The following BNC2 variants were observed in gnomAD, a reference collection of about 807,000 sequenced individuals.
BNC2 encodes the protein zinc finger protein basonuclin-2.
A neutral mutation model predicts 76.3 loss-of-function variants in BNC2; 20 were observed. The observed-to-expected ratio is 0.26, with a 90% confidence interval of 0.18 to 0.38. The LOEUF is 0.38. BNC2 is among the 10% of genes least tolerant of loss of function. The pLI is 1.00. For missense variants in BNC2, 1,382 were observed against 1,399.8 expected (o/e 0.99, Z 0.20); for synonymous variants, 582 against 514.8 (o/e 1.13, Z -1.77).
intron 3 of BNC2, among the ~76,000 whole-genome samples, chr9:16,669,789 C>T (rs1444082163): frequency 6.6e-6 from 1 of 152,088 alleles, no homozygotes. Context: ...AAATCAGATA[C>T]CACGGAAAAA....
intron 3 of BNC2, among the ~76,000 whole-genome samples, chr9:16,696,766 A>AT (rs1260538478): frequency 1.2e-4 from 18 of 152,358 alleles, no homozygotes; most frequent in African/African-American, 4.3e-4. Flanking sequence ...TCATTATTCC[A>AT]GCAGATCCTC....
In BNC2 at chr9:16,540,457, T is replaced by C. The variant is rs547817291; in HGVS notation, c.669+12073A>G. 7.2e-5 allele frequency among the ~76,000 whole-genome samples: 11 copies of C among 152,264 alleles called. No individual in the cohort carries two copies. The South Asian group carries it at 2.1e-3, about 29-fold the overall frequency. ...TACGTCAATACGCATATTACAATGGTTGGGCACATGAGTATAGGGTCTCTA... is the reference window on the plus strand; with the variant it reads ...TACGTCAATACGCATATTACAATGGCTGGGCACATGAGTATAGGGTCTCTA... On this transcript the variant is annotated intron_variant, in intron 5 of 6. Transcript: ENST00000380672.
chr9:16,574,307 C>T (rs1819422441), intron 4 of BNC2, among the ~76,000 whole-genome samples: 1 of 152,130 alleles, frequency 6.6e-6, no homozygotes, highest in South Asian at 2.1e-4. Context: ...CGAAGCACTT[C>T]ACATGCAAAA....
At chr9:16,484,347 C>G (rs1321377909) in intron 5 of BNC2, among the ~76,000 whole-genome samples, 1 of 152,144 alleles carries the variant, frequency 6.6e-6, no homozygotes, top group Non-Finnish European at 1.5e-5. Context: ...AAGATGCCAC[C>G]CCAGCCTTAC....
intron 4 of BNC2, among the ~76,000 whole-genome samples, chr9:16,577,336 GA>G (rs1002218251): frequency 8.1e-5 from 11 of 135,576 alleles, no homozygotes; most frequent in East Asian, 4.2e-4. Flanking sequence ...ACCATGCTGA[GA>G]AAAAAAAAAG....
At chr9:16,530,598 G>C (rs1817946008) in intron 5 of BNC2, among the ~76,000 whole-genome samples, 1 of 152,204 alleles carries the variant, frequency 6.6e-6, no homozygotes, top group African/African-American at 2.4e-5. Context: ...ACTTCATAGA[G>C]GGAGAATGTA....
At chr9:16,686,772 T>C (rs1233843077) in intron 3 of BNC2, among the ~76,000 whole-genome samples, 1 of 152,182 alleles carries the variant, frequency 6.6e-6, no homozygotes, top group South Asian at 2.1e-4. Flanking sequence ...TACTCCACTT[T>C]GCAAGTTCAC....
intron 5 of BNC2, among the ~76,000 whole-genome samples, chr9:16,448,922 C>T (rs1178217676): frequency 1.3e-5 from 2 of 152,162 alleles, no homozygotes; most frequent in African/African-American, 2.4e-5. Context: ...TATAAATCCA[C>T]ATATGCATTA....
At chr9:16,429,449 A>G (rs1474224214) in intron 6 of BNC2, 1 of 153,652 alleles carries the variant, frequency 6.5e-6, no homozygotes, top group East Asian at 1.9e-4. Context: ...ATTCACACCA[A>G]TAAAGTCTGT....
At chr9:16,757,174 G>A (rs928590138) in intron 1 of BNC2, among the ~76,000 whole-genome samples, 6 of 152,090 alleles carry the variant, frequency 3.9e-5, no homozygotes, top group Non-Finnish European at 7.4e-5. Context: ...AAATACTTCT[G>A]ATTGAATGTT....
chr9:16,587,394 C>T lies in BNC2; in HGVS notation c.331-4309G>A, dbSNP rs940814593. 1.4e-3 allele frequency among the ~76,000 whole-genome samples: 215 copies of T among 152,098 alleles called. 3 individuals carry two copies. Among genetic ancestry groups the T allele is most frequent in the Admixed American group, 5.2e-4 (8 of 15,254 alleles). ...ACGTTGAGCTAAGAATCCTGAGCTA[C>T]GATTCCATTCACAGCAAGTTATAGG... On this transcript the variant is annotated intron_variant, in intron 3 of 6. Transcript: ENST00000380672.
chr9:16,736,289 G>A (rs976055232), intron 2 of BNC2, among the ~76,000 whole-genome samples: 13 of 150,830 alleles, frequency 8.6e-5, no homozygotes, highest in Non-Finnish European at 1.9e-4. Flanking sequence ...CAAAATTATT[G>A]AGAAACTCAA....
intron 1 of BNC2, among the ~76,000 whole-genome samples, chr9:16,849,099 G>A (rs1235985877): frequency 6.6e-6 from 1 of 152,064 alleles, no homozygotes; most frequent in Non-Finnish European, 1.5e-5. Flanking sequence ...GGTTGTTCTA[G>A]CTTTCTTTTA....
intron 1 of BNC2, among the ~76,000 whole-genome samples, chr9:16,753,842 G>T (rs562950780): frequency 2.7e-4 from 39 of 145,066 alleles, no homozygotes; most frequent in Non-Finnish European, 5.1e-4. Flanking sequence ...TATTCTTTTT[G>T]ATGTGGAGCA....
chr9:16,587,238 G>T (rs1400330518), intron 3 of BNC2, among the ~76,000 whole-genome samples: 2 of 140,002 alleles, frequency 1.4e-5, no homozygotes, highest in African/African-American at 5.3e-5. Context: ...CAAAGAGACA[G>T]AGTCTAGCTC....
intron 5 of BNC2, among the ~76,000 whole-genome samples, chr9:16,450,112 C>T (rs1394771914): frequency 6.6e-6 from 1 of 152,090 alleles, no homozygotes; most frequent in Admixed American, 6.6e-5. Context: ...TTCATTGATG[C>T]ATTTTTAAAC....
chr9:16,514,394 G>A (rs969092537), intron 5 of BNC2, among the ~76,000 whole-genome samples: 7 of 152,220 alleles, frequency 4.6e-5, no homozygotes, highest in African/African-American at 1.7e-4. Flanking sequence ...AGGAAGTGGG[G>A]CTTCAGTATG....
chr9:16,804,932 T>G (rs1461757150), intron 1 of BNC2, among the ~76,000 whole-genome samples: 2 of 151,920 alleles, frequency 1.3e-5, no homozygotes, highest in Non-Finnish European at 2.9e-5. Flanking sequence ...TGTGGTGGCA[T>G]GCGCCTGTAG....
intron 5 of BNC2, among the ~76,000 whole-genome samples, chr9:16,460,403 G>C (rs1245501246): frequency 6.6e-6 from 1 of 151,880 alleles, no homozygotes; most frequent in Non-Finnish European, 1.5e-5. Flanking sequence ...CGGGTGGATT[G>C]CTTGAGGCCA....
Sources: allele counts gnomAD v4.1 joint callset (sites outside exome capture counted in the v4.1 genomes callset), GRCh38; gene constraint gnomAD v4.1.1; transcripts MANE v1.5; gene names NCBI Gene and HGNC (gene_info 2026-07-23, HGNC 2026-07-21).